The following DPP10 variants were observed in gnomAD, a reference collection of about 807,000 sequenced individuals.
The protein encoded by DPP10 is dipeptidyl peptidase like 10.
A neutral mutation model predicts 120.9 loss-of-function variants in DPP10; 33 were observed. The observed-to-expected ratio is 0.27, with a 90% CI of 0.21 to 0.37. The LOEUF (loss-of-function observed/expected upper bound fraction) is 0.37, where lower values mean the gene tolerates loss of function less well. Among genes scored for constraint, DPP10 ranks in the 10% least tolerant of loss-of-function variants. DPP10 has a pLI of 1.00. For synonymous variants in DPP10, 337 were observed against 326.1 expected, an observed-to-expected ratio of 1.03 and a Z score of -0.36; for missense variants, 816 against 942.8, an observed-to-expected ratio of 0.87 and a Z score of 1.76.
chr2:114,572,726 G>A (rs1689751744), intron 1 of DPP10, among the ~76,000 whole-genome samples: 1 of 152,216 alleles, frequency 6.6e-6, no homozygotes, highest in Admixed American at 6.5e-5. Context: ...ACATGTGCCA[G>A]CCATCGTGAT....
chr2:115,265,799 C>CTA (rs2059435987), intron 1 of DPP10, among the ~76,000 whole-genome samples: 1 of 152,018 alleles, frequency 6.6e-6, no homozygotes, highest in Admixed American at 6.6e-5. Context: ...GAAAAAGGGG[C>CTA]CAGGCGCGGT....
rs550807700 is a variant in DPP10 at position 115,036,826 on chromosome 2, C to A, written c.61-272413C>A. Among the ~76,000 whole-genome samples the A allele has an allele frequency of 9.0e-3, 1,374 of 151,972 alleles. 26 individuals are homozygous for A. Among genetic ancestry groups the A allele is most frequent in the African/African-American group, 0.032 (1,310 of 41,356 alleles). ...CTTTTAGGAGAATGAAAGAAACTCCCAAATTTCTGCATTAGAATCGAATTA... is the reference window on the plus strand; with the variant it reads ...CTTTTAGGAGAATGAAAGAAACTCCAAAATTTCTGCATTAGAATCGAATTA... On this transcript the variant is annotated intron_variant, in intron 1 of 25. Coordinates refer to ENST00000410059, the MANE Select transcript of DPP10 (RefSeq NM_020868.6).
chr2:115,834,251 A>G (rs147547760), intron 21 of DPP10, among the ~76,000 whole-genome samples: 218 of 152,296 alleles, frequency 1.4e-3, no homozygotes, highest in African/African-American at 4.9e-3. Flanking sequence ...CATAAATGAA[A>G]TTCTTTATTT....
intron 7 of DPP10, among the ~76,000 whole-genome samples, chr2:115,698,150 A>C (rs2149522574): frequency 6.6e-6 from 1 of 152,284 alleles, no homozygotes; most frequent in Admixed American, 6.5e-5. Context: ...AGCTTTTAAA[A>C]AATTATCACA....
intron 1 of DPP10, among the ~76,000 whole-genome samples, chr2:114,839,264 G>T (rs986006657): frequency 1.3e-5 from 2 of 152,132 alleles, no homozygotes. Flanking sequence ...TTTAAGTTGG[G>T]AAATAACTTC....
intron 1 of DPP10, among the ~76,000 whole-genome samples, chr2:114,508,346 T>C (rs1014594589): frequency 6.6e-6 from 1 of 152,364 alleles, no homozygotes; most frequent in African/African-American, 2.4e-5. Context: ...CATGGAAACG[T>C]AAATTATATA....
intron 1 of DPP10, among the ~76,000 whole-genome samples, chr2:114,730,374 G>A (rs1006823004): frequency 2.0e-5 from 3 of 152,196 alleles, no homozygotes; most frequent in African/African-American, 7.2e-5. Context: ...CAAAGTGGTG[G>A]CTGGCTATTC....
At chr2:114,595,021 AAAAAACATGTTG>A (rs1691793343) in intron 1 of DPP10, among the ~76,000 whole-genome samples, 1 of 151,996 alleles carries the variant, frequency 6.6e-6, no homozygotes. Flanking sequence ...CTTTCTTGTA[AAAAAACATGTTG>A]GCCTCTCTGG....
At chr2:115,804,246 G>T (rs989577048) in intron 19 of DPP10, among the ~76,000 whole-genome samples, 2 of 152,026 alleles carry the variant, frequency 1.3e-5, no homozygotes, top group Non-Finnish European at 2.9e-5. Context: ...TTGTGCATTC[G>T]TCACGTAGTT....
At chr2:115,179,741 T>A (rs1308168662) in intron 1 of DPP10, among the ~76,000 whole-genome samples, 1 of 152,142 alleles carries the variant, frequency 6.6e-6, no homozygotes, top group Non-Finnish European at 1.5e-5. Flanking sequence ...CTTGGCAAAT[T>A]TATTTGGTCA....
intron 19 of DPP10, among the ~76,000 whole-genome samples, chr2:115,794,027 C>T (rs1197372804): frequency 6.6e-6 from 1 of 152,056 alleles, no homozygotes; most frequent in African/African-American, 2.4e-5. Flanking sequence ...TTTTCTCAAG[C>T]TTAAAAACTG....
chr2:115,465,388 A>G (rs2074259651), intron 3 of DPP10, among the ~76,000 whole-genome samples: 1 of 152,206 alleles, frequency 6.6e-6, no homozygotes, highest in Admixed American at 6.5e-5. Flanking sequence ...TATTTTTCAC[A>G]CTGAGGAAGG....
At chr2:114,636,310 C>T (rs1203398063) in intron 1 of DPP10, among the ~76,000 whole-genome samples, 1 of 151,894 alleles carries the variant, frequency 6.6e-6, no homozygotes, top group Non-Finnish European at 1.5e-5. Flanking sequence ...GTAAATAAAC[C>T]TAATAATTTT....
intron 1 of DPP10, among the ~76,000 whole-genome samples, chr2:114,816,534 TC>T (rs1249167966): frequency 6.6e-6 from 1 of 152,188 alleles, no homozygotes; most frequent in Non-Finnish European, 1.5e-5. Flanking sequence ...CCTTGACCAC[TC>T]TTTTGAACAT....
intron 1 of DPP10, among the ~76,000 whole-genome samples, chr2:114,705,086 G>C (rs1700608651): frequency 6.6e-6 from 1 of 152,062 alleles, no homozygotes; most frequent in Non-Finnish European, 1.5e-5. Flanking sequence ...CCAGTATATG[G>C]TATTATGTTA....
intron 1 of DPP10, among the ~76,000 whole-genome samples, chr2:114,770,975 T>C (rs894952003): frequency 5.3e-5 from 8 of 152,236 alleles, no homozygotes; most frequent in Non-Finnish European, 8.8e-5. Flanking sequence ...AAAGGTTTTA[T>C]TGTCAGATAC....
chr2:114,874,010 G>A (rs1690933178), intron 1 of DPP10, among the ~76,000 whole-genome samples: 1 of 152,178 alleles, frequency 6.6e-6, no homozygotes, highest in Admixed American at 6.5e-5. Context: ...CAAGTTGGCA[G>A]ATAAAGTGGC....
At chr2:115,380,713 G>A (rs1329830083) in intron 3 of DPP10, among the ~76,000 whole-genome samples, 1 of 152,050 alleles carries the variant, frequency 6.6e-6, no homozygotes, top group Admixed American at 6.6e-5. Flanking sequence ...TCCATGTTTA[G>A]TGCTTCCTTC....
At position 115,166,554 on chromosome 2, in the gene DPP10, ATATT is replaced by A. The variant is rs922105261; in HGVS notation, c.61-142684_61-142681del. Reference sequence around the variant, plus strand: ...ATATATAAATTTATAATATAAATATATATTATATAAATTTATAATATAAATATTA... The same window carrying A: ...ATATATAAATTTATAATATAAATATAATATAAATTTATAATATAAATATTA... On this transcript the variant is annotated intron_variant, in intron 1 of 25. Transcript: ENST00000410059. 1.1e-4 allele frequency among the ~76,000 whole-genome samples: 16 copies of A among 146,574 alleles called. 1 individual carries two copies. The Admixed American group carries it at 1.1e-3, about 10-fold the overall frequency.
Sources: allele counts gnomAD v4.1 joint callset (sites outside exome capture counted in the v4.1 genomes callset), GRCh38; gene constraint gnomAD v4.1.1; transcripts MANE v1.5; gene names NCBI Gene and HGNC (gene_info 2026-07-23, HGNC 2026-07-21).